HACE1: variants seen among roughly 807,000 people sequenced by gnomAD.
HACE1 encodes HECT domain and ankyrin repeat containing E3 ubiquitin protein ligase 1.
In HACE1, 73 loss-of-function variants were observed where a neutral mutation model predicts 118.4. That is an observed-to-expected ratio of 0.62 (90% CI 0.51 to 0.75). HACE1 has a LOEUF of 0.75. Ranked by LOEUF, HACE1 falls within the 30% of genes least tolerant of loss-of-function variation. HACE1 has a pLI of 0.00. For synonymous variants in HACE1, 368 were observed against 374.8 expected (o/e 0.98, Z 0.21); for missense variants, 749 against 1,102.2 (o/e 0.68, Z 4.54).
At chr6:104,788,529 T>A (rs1782675678) in intron 11 of HACE1, among the ~76,000 whole-genome samples, 1 of 152,160 alleles carries the variant, frequency 6.6e-6, no homozygotes, top group Admixed American at 6.5e-5. Context: ...GATATCCTGT[T>A]AGTCTGACTA....
At chr6:104,851,112 T>A in intron 2 of HACE1, 116 bp from the exon 3 acceptor site, 1 of 700,482 alleles carries the variant, frequency 1.4e-6, no homozygotes, top group Non-Finnish European at 2.6e-6. Flanking sequence ...GAGACAAGAG[T>A]CTTGCTCTGT....
chr6:104,758,227 A>AC (rs1399383788), intron 19 of HACE1, among the ~76,000 whole-genome samples: 1 of 152,072 alleles, frequency 6.6e-6, no homozygotes, highest in African/African-American at 2.4e-5. Context: ...GAGAAGAGCA[A>AC]CCCCAAGACA....
intron 17 of HACE1, among the ~76,000 whole-genome samples, chr6:104,774,104 T>C (rs1780942177): frequency 1.5e-5 from 1 of 64,670 alleles, no homozygotes; most frequent in Non-Finnish European, 2.8e-5. Context: ...TTTTTTTTTT[T>C]TTTGAGACGG....
chr6:104,838,165 T>C (rs1476457536), intron 5 of HACE1, among the ~76,000 whole-genome samples: 1 of 152,150 alleles, frequency 6.6e-6, no homozygotes, highest in African/African-American at 2.4e-5. Flanking sequence ...GTAATCTCTA[T>C]CAAAATACCA....
rs1776217744 is a variant in HACE1 at position 104,851,656 on chromosome 6, T to C, written c.132-660A>G. ...CCCCTTGCCAAAAGTTGAGCCTAGCTATATTAATTTTGGCCAAATAAAGAA... is the reference window on the plus strand; with the variant it reads ...CCCCTTGCCAAAAGTTGAGCCTAGCCATATTAATTTTGGCCAAATAAAGAA... On this transcript the variant is annotated intron_variant, in intron 2 of 23. Coordinates refer to ENST00000262903, the MANE Select transcript of HACE1 (RefSeq NM_020771.4). Among the ~76,000 whole-genome samples the C allele has an allele frequency of 2.6e-5, 4 of 152,208 alleles. No individual in the cohort carries two copies. The South Asian group carries it at 8.3e-4, about 32-fold the overall frequency.
chr6:104,747,708 T>C (rs1777582175), intron 20 of HACE1, among the ~76,000 whole-genome samples: 1 of 152,192 alleles, frequency 6.6e-6, no homozygotes, highest in South Asian at 2.1e-4. Flanking sequence ...CCTAGTTTTC[T>C]CATCTGTAAA....
At position 104,816,203 on chromosome 6, in the gene HACE1, G is replaced by A. The variant is rs116196642; in HGVS notation, c.535-4810C>T. On this transcript the variant is annotated intron_variant, in intron 6 of 23. Coordinates refer to ENST00000262903, the MANE Select transcript of HACE1 (RefSeq NM_020771.4). ...TGCAGAAGTGTACATAAGTAACAAG[G>A]AGCTGAATGTTAATAACCAAGACAA... Among the ~76,000 whole-genome samples the A allele has an allele frequency of 7.2e-3, 1,094 of 152,316 alleles. 10 individuals are homozygous for A. Among genetic ancestry groups the A allele is most frequent in the African/African-American group, 0.025 (1,051 of 41,568 alleles).
intron 7 of HACE1, among the ~76,000 whole-genome samples, chr6:104,799,854 C>T (rs1770106914): frequency 6.6e-6 from 1 of 151,986 alleles, no homozygotes; most frequent in Non-Finnish European, 1.5e-5. Context: ...AAATGAGGTA[C>T]CTGGTCGATC....
intron 12 of HACE1, 127 bp from the exon 13 acceptor site, chr6:104,784,612 C>T: frequency 1.5e-6 from 1 of 669,962 alleles, no homozygotes; most frequent in Non-Finnish European, 2.5e-6. Context: ...GGTTTTGAAT[C>T]TTCTTTGTAA....
chr6:104,800,354 A>G (rs1264677152), intron 7 of HACE1, among the ~76,000 whole-genome samples: 28 of 152,188 alleles, frequency 1.8e-4, no homozygotes, highest in Admixed American at 1.8e-3. Flanking sequence ...AGCTCAGAAG[A>G]GAGCAGTGGT....
intron 22 of HACE1, among the ~76,000 whole-genome samples, chr6:104,737,825 C>A (rs901907796): frequency 6.6e-6 from 1 of 152,228 alleles, no homozygotes; most frequent in Non-Finnish European, 1.5e-5. Flanking sequence ...TGGAGCCCAC[C>A]ACAGCTCAAG....
intron 20 of HACE1, among the ~76,000 whole-genome samples, chr6:104,745,534 G>A (rs188661815): frequency 3.4e-5 from 5 of 148,462 alleles, no homozygotes; most frequent in African/African-American, 7.6e-5. Flanking sequence ...TCCACCTCCC[G>A]GGTTCACGCC....
At chr6:104,800,918 C>T (rs376142449) in intron 7 of HACE1, among the ~76,000 whole-genome samples, 1 of 152,026 alleles carries the variant, frequency 6.6e-6, no homozygotes, top group Non-Finnish European at 1.5e-5. Flanking sequence ...ACAACTTCTC[C>T]GAGCTAAAGG....
rs974859458 is a variant in HACE1 at position 104,814,665 on chromosome 6, C to G, written c.535-3272G>C. Among the ~76,000 whole-genome samples the G allele has an allele frequency of 1.5e-5, 2 of 136,726 alleles. 1 individual carries two copies. The highest frequency in any genetic ancestry group is 1.4e-4 in the Admixed American group (2 of 13,826). The allele number at this position is 136,726 out of a possible 152,430, so 89.7% of individuals were successfully genotyped here. A position where few individuals can be genotyped will look rare whatever the true frequency, so the allele number is the denominator to read the frequency against. On this transcript the variant is annotated intron_variant, in intron 6 of 23. Coordinates refer to ENST00000262903, the MANE Select transcript of HACE1 (RefSeq NM_020771.4). ...AGGGTGATATGGGTTGGATTTGTGT[C>G]CCTGCCAAAATCTCCTGTTGAATTG...
intron 5 of HACE1, among the ~76,000 whole-genome samples, chr6:104,838,021 T>C (rs980178399): frequency 1.3e-5 from 2 of 152,010 alleles, no homozygotes; most frequent in African/African-American, 4.8e-5. Flanking sequence ...GAAAGATGTC[T>C]AAAAGAAAAC....
rs771798096 is a variant in HACE1, at chr6:104,772,015, G to A, written c.1924C>T (p.Arg642Trp). ...YVNPDHLNYF[R>W]FAGQILGLAL... ...AATCCCAAGATCTGCCCAGCAAACC[G>A]AAAATAGTTCAAGTGATCAGGATTT... is the stretch of plus-strand genomic sequence containing the variant. The change falls in exon 18 of 24, where the codon CGG (arginine) becomes TGG (tryptophan). Residue 642 changes from arginine to tryptophan, a missense_variant. This residue lies in a region of HACE1 where 195 missense variants were observed against 322.1 expected (regional missense o/e 0.61). Coordinates refer to ENST00000262903, the MANE Select transcript of HACE1 (RefSeq NM_020771.4). 5.6e-6 allele frequency: 9 copies of A among 1,609,238 alleles called. No homozygotes were observed. The highest frequency in any genetic ancestry group is 2.7e-5 in the African/African-American group (2 of 74,908).
intron 17 of HACE1, among the ~76,000 whole-genome samples, 173 bp from the exon 18 acceptor site, chr6:104,772,247 T>A (rs879722244): frequency 6.6e-6 from 1 of 152,194 alleles, no homozygotes; most frequent in Non-Finnish European, 1.5e-5. Flanking sequence ...GTAAGTAGAA[T>A]TGGAAGTATA....
At chr6:104,742,471 A>C in intron 22 of HACE1, among the ~76,000 whole-genome samples, 1 of 151,934 alleles carries the variant, frequency 6.6e-6, no homozygotes, top group Non-Finnish European at 1.5e-5. Flanking sequence ...ACAAGAAAAA[A>C]ACAAACAACC....
In HACE1 at chr6:104,849,122, T is replaced by C. The variant is rs184546568; in HGVS notation, c.326+20A>G. 9.2e-5 allele frequency: 125 copies of C among 1,354,738 alleles called. 1 individual carries two copies. The Admixed American group carries it at 1.7e-3, about 19-fold the overall frequency. The allele number at this position is 1,354,738 out of a possible 1,614,324, so 83.9% of individuals were successfully genotyped here. A position where few individuals can be genotyped will look rare whatever the true frequency, so the allele number is the denominator to read the frequency against. On this transcript the variant is annotated intron_variant, in intron 4 of 23. Transcript: ENST00000262903. ...AACTGATAATACAACTTAAGCCACT[T>C]AAGAAAACTAAATAGTTACCCATTT...
Sources: allele counts gnomAD v4.1 joint callset (sites outside exome capture counted in the v4.1 genomes callset), GRCh38; gene constraint gnomAD v4.1.1; regional missense constraint gnomAD v4.1.1; transcripts MANE v1.5; gene names NCBI Gene and HGNC (gene_info 2026-07-23, HGNC 2026-07-21).